NALF1: variants seen among roughly 807,000 people sequenced by gnomAD.
The protein encoded by NALF1 is NALCN channel auxiliary factor 1, also known as family with sequence similarity 155 member A.
In NALF1, 3 loss-of-function variants were observed where a neutral mutation model predicts 48.4. That is an observed-to-expected ratio of 0.06 (90% CI 0.03 to 0.16). The LOEUF (loss-of-function observed/expected upper bound fraction) is 0.16, where lower values mean the gene tolerates loss of function less well. Among genes scored for constraint, NALF1 ranks in the 10% least tolerant of loss-of-function variants. NALF1 has a pLI of 1.00. For missense variants in NALF1, 526 were observed against 571.5 expected (o/e 0.92, Z 0.81); for synonymous variants, 262 against 245.7 (o/e 1.07, Z -0.62).
At chr13:107,849,323 T>A (rs1880251798) in intron 1 of NALF1, among the ~76,000 whole-genome samples, 1 of 152,214 alleles carries the variant, frequency 6.6e-6, no homozygotes, top group South Asian at 2.1e-4. Flanking sequence ...CCTAGGGAAG[T>A]TATCTGAATA....
intron 1 of NALF1, among the ~76,000 whole-genome samples, chr13:107,222,739 G>A (rs571139523): frequency 1.2e-4 from 18 of 152,266 alleles, no homozygotes; most frequent in Admixed American, 7.2e-4. Flanking sequence ...GGCAAGACCC[G>A]AATATTAACA....
At chr13:107,809,200 T>C (rs2138604829) in intron 1 of NALF1, among the ~76,000 whole-genome samples, 1 of 152,108 alleles carries the variant, frequency 6.6e-6, no homozygotes, top group Admixed American at 6.6e-5. Flanking sequence ...ACCCCAATCC[T>C]ATGTTCACTT....
intron 1 of NALF1, among the ~76,000 whole-genome samples, chr13:107,551,607 T>C (rs568912023): frequency 2.0e-5 from 3 of 152,272 alleles, no homozygotes; most frequent in Admixed American, 1.3e-4. Flanking sequence ...ACTGTCAAGA[T>C]TGACGGTTGG....
At chr13:107,285,043 G>T (rs1377863139) in intron 1 of NALF1, among the ~76,000 whole-genome samples, 1 of 152,138 alleles carries the variant, frequency 6.6e-6, no homozygotes, top group African/African-American at 2.4e-5. Flanking sequence ...AAATAATCAG[G>T]AAATTTGAAG....
chr13:107,684,679 A>G (rs879170931), intron 1 of NALF1, among the ~76,000 whole-genome samples: 8 of 152,176 alleles, frequency 5.3e-5, no homozygotes, highest in Non-Finnish European at 1.2e-4. Flanking sequence ...GAAAGACATG[A>G]AAAAAACCTA....
At chr13:107,766,527 T>C (rs144702534) in intron 1 of NALF1, among the ~76,000 whole-genome samples, 2 of 152,312 alleles carry the variant, frequency 1.3e-5, no homozygotes, top group Non-Finnish European at 1.5e-5. Context: ...CTGAAGTCTG[T>C]AGTGAATTTA....
chr13:107,639,370 C>CA lies in NALF1; in HGVS notation c.915+226311dup, dbSNP rs910581908. 2.1e-4 allele frequency among the ~76,000 whole-genome samples: 32 copies of CA among 151,724 alleles called. No homozygotes were observed. The East Asian group carries it at 3.5e-3, about 17-fold the overall frequency. On this transcript the variant is annotated intron_variant, in intron 1 of 2. Transcript: ENST00000375915. ...CTTCCTTTCTCCCCGATGACCCAGCCAAAAAAAACACGATAGTTCTGTAGA... is the reference window on the plus strand; with the variant it reads ...CTTCCTTTCTCCCCGATGACCCAGCCAAAAAAAAACACGATAGTTCTGTAGA...
rs1209092708 is a variant in NALF1 at position 107,362,818 on chromosome 13, A to G, written c.916-152063T>C. ...CCTGTCTGAGTGGGCACACATATGG[A>G]GCAACCAGGATGAATGTGAGCTTTT... On this transcript the variant is annotated intron_variant, in intron 1 of 2. Coordinates refer to ENST00000375915, the MANE Select transcript of NALF1 (RefSeq NM_001080396.3). The surrounding 1 kb of genome is among the most constrained non-coding windows in gnomAD (Gnocchi z 4.6). 6.6e-6 allele frequency among the ~76,000 whole-genome samples: 1 copy of G among 152,142 alleles called. No individual in the cohort carries two copies. The highest frequency in any genetic ancestry group is 2.4e-5 in the African/African-American group (1 of 41,444).
At chr13:107,634,040 T>G (rs1207816492) in intron 1 of NALF1, among the ~76,000 whole-genome samples, 1 of 151,878 alleles carries the variant, frequency 6.6e-6, no homozygotes, top group Non-Finnish European at 1.5e-5. Context: ...AATTTTCATA[T>G]TTTAAAATAA....
rs550983472 is a variant in NALF1, at chr13:107,287,009, C to T, written c.916-76254G>A. Reference sequence around the variant, plus strand: ...AGCAGTATGAATGTTCTCAATGCCACTAACATAACTGCTCACTATAAAGTG... The same window carrying T: ...AGCAGTATGAATGTTCTCAATGCCATTAACATAACTGCTCACTATAAAGTG... On this transcript the variant is annotated intron_variant, in intron 1 of 2. Transcript: ENST00000375915. Among the ~76,000 whole-genome samples the T allele has an allele frequency of 3.3e-4, 51 of 152,308 alleles. 1 individual carries two copies. The South Asian group carries it at 0.011, about 32-fold the overall frequency.
intron 1 of NALF1, among the ~76,000 whole-genome samples, chr13:107,237,307 C>T (rs973629377): frequency 5.3e-5 from 8 of 152,086 alleles, no homozygotes; most frequent in African/African-American, 7.2e-5. Flanking sequence ...AATATAATAA[C>T]GTAGAACATT....
At chr13:107,316,791 C>G (rs1882159239) in intron 1 of NALF1, among the ~76,000 whole-genome samples, 1 of 149,532 alleles carries the variant, frequency 6.7e-6, no homozygotes, top group Non-Finnish European at 1.5e-5. Context: ...ATTCTTAAGT[C>G]TTAGGACTTA....
At chr13:107,578,496 G>C (rs1262830884) in intron 1 of NALF1, among the ~76,000 whole-genome samples, 1 of 151,996 alleles carries the variant, frequency 6.6e-6, no homozygotes, top group Non-Finnish European at 1.5e-5. Context: ...CAAATGTTTT[G>C]AATTCTGTCT....
intron 1 of NALF1, among the ~76,000 whole-genome samples, chr13:107,562,644 A>G (rs1877680797): frequency 6.6e-6 from 1 of 152,208 alleles, no homozygotes. Flanking sequence ...TCAGCTGACA[A>G]ATGTGAACTT....
chr13:107,309,411 T>G (rs1342379584), intron 1 of NALF1, among the ~76,000 whole-genome samples: 3 of 152,214 alleles, frequency 2.0e-5, no homozygotes, highest in African/African-American at 7.2e-5. Context: ...CAGAGGGTGA[T>G]CACTATCATT....
At chr13:107,827,826 TA>T (rs1370530928) in intron 1 of NALF1, among the ~76,000 whole-genome samples, 1 of 152,216 alleles carries the variant, frequency 6.6e-6, no homozygotes, top group Non-Finnish European at 1.5e-5. Context: ...AGTGGTATTA[TA>T]ATTACTGGTT....
At chr13:107,342,648 G>C (rs1036447172) in intron 1 of NALF1, among the ~76,000 whole-genome samples, 2 of 152,112 alleles carry the variant, frequency 1.3e-5, no homozygotes, top group African/African-American at 4.8e-5. Flanking sequence ...TAGAGTTTTT[G>C]TGTACAATTG....
intron 1 of NALF1, among the ~76,000 whole-genome samples, chr13:107,469,557 T>A (rs930983287): frequency 2.0e-5 from 3 of 152,092 alleles, no homozygotes; most frequent in Non-Finnish European, 4.4e-5. Context: ...AGGCACATCC[T>A]CCTGTACACT....
chr13:107,712,915 C>T (rs919648392), intron 1 of NALF1, among the ~76,000 whole-genome samples: 3 of 152,222 alleles, frequency 2.0e-5, no homozygotes, highest in African/African-American at 7.2e-5. Context: ...AAAATAGACA[C>T]TGAGTCTGAG....
Sources: allele counts gnomAD v4.1 joint callset (sites outside exome capture counted in the v4.1 genomes callset), GRCh38; gene constraint gnomAD v4.1.1; non-coding constraint Gnocchi (gnomAD v3.1); transcripts MANE v1.5; gene names NCBI Gene and HGNC (gene_info 2026-07-23, HGNC 2026-07-21).